TP53BP2: variants seen among roughly 807,000 people sequenced by gnomAD.
TP53BP2 encodes apoptosis-stimulating of p53 protein 2.
TP53BP2 carries 62 observed loss-of-function variants against 126.2 expected under a neutral mutation model. The observed-to-expected ratio is 0.49, with a 90% CI of 0.40 to 0.61. The LOEUF (loss-of-function observed/expected upper bound fraction) is 0.61. Among genes scored for constraint, TP53BP2 ranks in the 20% least tolerant of loss-of-function variants. The pLI is 0.00. For synonymous variants in TP53BP2, 485 were observed against 502.9 expected, an observed-to-expected ratio of 0.96 and a Z score of 0.48; for missense variants, 1,215 against 1,402.8, an observed-to-expected ratio of 0.87 and a Z score of 2.14.
chr1:223,829,752 G>A (rs1464256320), intron 1 of TP53BP2, among the ~76,000 whole-genome samples: 4 of 148,456 alleles, frequency 2.7e-5, no homozygotes, highest in African/African-American at 7.5e-5. Flanking sequence ...AAAAAAAACA[G>A]CTGTTACAGA....
intron 10 of TP53BP2, 118 bp from the exon 11 acceptor site, chr1:223,800,165 AT>A (rs1197330793): frequency 3.8e-6 from 4 of 1,052,624 alleles, no homozygotes; most frequent in African/African-American, 3.2e-5. Context: ...GCACGTTCCT[AT>A]TTTTTAATTA....
intron 3 of TP53BP2, among the ~76,000 whole-genome samples, chr1:223,813,112 C>A (rs1662969895): frequency 6.6e-6 from 1 of 151,978 alleles, no homozygotes; most frequent in Non-Finnish European, 1.5e-5. Context: ...CCCACCCACA[C>A]TCTCTCTCCA....
chr1:223,796,473 G>A lies in TP53BP2; in HGVS notation c.2066C>T (p.Ser689Leu), dbSNP rs1317715541. 2 of 1,614,194 alleles carry A rather than the reference G, an allele frequency of 1.2e-6. No individual in the cohort carries two copies. Among genetic ancestry groups the A allele is most frequent in the Admixed American group, 3.3e-5 (2 of 60,026 alleles). ...SPEPETEPVS[S>L]VQENHENERI... ...TTCGTTTTCATGGTTCTCCTGAACT[G>A]AAGAAACAGGCTCTGTTTCAGGTTC... Residue 689 changes from serine (S) to leucine (L), a missense_variant, in exon 13 of 18, where the codon TCA becomes TTA. Ser to Leu is a moderately radical substitution (Grantham distance 145, BLOSUM62 -2). This residue lies in a region of TP53BP2 where 814 missense variants were observed against 853.0 expected (regional missense o/e 0.95). Transcript: ENST00000343537. This position sits in a 1 kb window ranked among gnomAD's most constrained non-coding sequence, Gnocchi z 4.2.
rs936512777 is a variant in TP53BP2, at chr1:223,796,337, T to C, written c.2202A>G (p.Ala734=). ...AACTACGTTTCTTTAGAGGCCTTGG[T>C]GCGTTAGACAGTTTCTTTCGTAAGG... ...LEALRKKLSN[A]PRPLKKRSSI... Residue 734 remains alanine, a synonymous_variant, in exon 13 of 18, where the codon GCA becomes GCG. Coordinates refer to ENST00000343537, the MANE Select transcript of TP53BP2 (RefSeq NM_001031685.3). The surrounding 1 kb of genome is among the most constrained non-coding windows in gnomAD (Gnocchi z 4.2). 2.5e-6 allele frequency: 4 copies of C among 1,614,094 alleles called. No homozygotes were observed. Among genetic ancestry groups the C allele is most frequent in the African/African-American group, 2.7e-5 (2 of 74,934 alleles).
intron 13 of TP53BP2, among the ~76,000 whole-genome samples, chr1:223,795,124 A>T (rs532046344): frequency 1.1e-4 from 16 of 152,362 alleles, no homozygotes; most frequent in African/African-American, 3.8e-4. Flanking sequence ...CTTAAATTTC[A>T]AACAAAAGCT....
intron 15 of TP53BP2, among the ~76,000 whole-genome samples, chr1:223,791,805 T>C (rs1405193431): frequency 1.3e-5 from 2 of 152,242 alleles, no homozygotes; most frequent in Non-Finnish European, 2.9e-5. Flanking sequence ...CAAAATTTGC[T>C]GTCTATTCTG....
chr1:223,838,739 A>G (rs1002133418), intron 1 of TP53BP2, among the ~76,000 whole-genome samples: 1 of 152,198 alleles, frequency 6.6e-6, no homozygotes, highest in Non-Finnish European at 1.5e-5. Flanking sequence ...ATCAACTTCA[A>G]GCCGTATTTA....
In TP53BP2 at chr1:223,802,735, A is replaced by AGAT. The variant is rs1265062709; in HGVS notation, c.989_991dup (p.Asn330_Leu331insHis). On this transcript the variant is annotated inframe_insertion, in exon 8 of 18. Coordinates refer to ENST00000343537, the MANE Select transcript of TP53BP2 (RefSeq NM_001031685.3). ...ATTACAAAACGGCCCACTTACTGGTAGATTTTCTTTTTGCTGTAGAGCTGC... is the reference window on the plus strand; with the variant it reads ...ATTACAAAACGGCCCACTTACTGGTAGATGATTTTCTTTTTGCTGTAGAGCTGC... 1 of 1,614,042 alleles carries AGAT rather than the reference A, an allele frequency of 6.2e-7. No individual in the cohort carries two copies. The highest frequency in any genetic ancestry group is 8.5e-7 in the Non-Finnish European group (1 of 1,179,978).
intron 3 of TP53BP2, among the ~76,000 whole-genome samples, chr1:223,812,675 T>C (rs1662952113): frequency 6.6e-6 from 1 of 152,192 alleles, no homozygotes; most frequent in Non-Finnish European, 1.5e-5. Flanking sequence ...TTCTCCCGCC[T>C]CAGCCTCCCG....
intron 1 of TP53BP2, among the ~76,000 whole-genome samples, chr1:223,830,734 T>C (rs532121676): frequency 6.6e-6 from 1 of 152,234 alleles, no homozygotes; most frequent in African/African-American, 2.4e-5. Context: ...TAAGTATAAA[T>C]AGAGTGTTAG....
chr1:223,791,728 ATTGT>A (rs1662162215), intron 15 of TP53BP2, among the ~76,000 whole-genome samples: 1 of 152,218 alleles, frequency 6.6e-6, no homozygotes, highest in Non-Finnish European at 1.5e-5. Flanking sequence ...AAAAAAGTCA[ATTGT>A]TTGTATTCTT....
intron 2 of TP53BP2, among the ~76,000 whole-genome samples, chr1:223,819,467 A>G (rs1170992015): frequency 6.6e-6 from 1 of 152,106 alleles, no homozygotes; most frequent in Non-Finnish European, 1.5e-5. Context: ...CGGGTGGATC[A>G]CGAGGTCAGG....
Position 223,803,309 on chromosome 1 carries a change from C to A in TP53BP2, c.793G>T (p.Ala265Ser), listed in dbSNP as rs1662594329. 3 of 1,613,222 alleles carry A rather than the reference C, an allele frequency of 1.9e-6. No individual in the cohort carries two copies. Among genetic ancestry groups the A allele is most frequent in the Non-Finnish European group, 2.5e-6 (3 of 1,179,792 alleles). ...TAGAGGCGATCAAGCTCAGCCACTG[C>A]AGACTGATTGTCATGGTGGCTGTCG... ...RIDSHHDNQS[A>S]VAELDRLYKE... Residue 265 changes from alanine (A) to serine (S), a missense_variant, in exon 7 of 18, where the codon GCA (alanine) becomes TCA (serine). Around this residue, in one of 4 missense-constraint regions of TP53BP2, gnomAD observed 814 missense variants for 853.0 expected, o/e 0.95. Coordinates refer to ENST00000343537, the MANE Select transcript of TP53BP2 (RefSeq NM_001031685.3).
intron 4 of TP53BP2, 86 bp downstream of exon 4, chr1:223,810,345 A>G (rs1256352436): frequency 1.0e-6 from 1 of 1,004,414 alleles, no homozygotes; most frequent in South Asian, 2.2e-5. Context: ...AGCCCATTGA[A>G]TAACAAAGTA....
At position 223,845,655 on chromosome 1, in the gene TP53BP2, G is replaced by A. The variant is rs779353589; in HGVS notation, c.26C>T (p.Pro9Leu). 3.2e-6 allele frequency: 5 copies of A among 1,554,810 alleles called. No homozygotes were observed. The highest frequency in any genetic ancestry group is 4.3e-6 in the Non-Finnish European group (5 of 1,158,454). ...CGCCCTGGCCGCTCGCCCACTTACC[G>A]GCATCATCTTGGACCCGAACCGCAT... MRFGSKMM[P>L]MFLTVYLSNN... The change falls in exon 1 of 18, where the codon CCG becomes CTG. Residue 9 changes from proline (P) to leucine (L), a missense_variant and splice_region_variant. This residue lies in a region of TP53BP2 where 814 missense variants were observed against 853.0 expected (regional missense o/e 0.95). Transcript: ENST00000343537.
intron 2 of TP53BP2, among the ~76,000 whole-genome samples, chr1:223,815,057 A>G (rs1041589379): frequency 6.6e-6 from 1 of 152,242 alleles, no homozygotes; most frequent in Non-Finnish European, 1.5e-5. Flanking sequence ...GGATCTGGAT[A>G]TAAAAACGAG....
chr1:223,817,704 T>TATCC (rs1663136456), intron 2 of TP53BP2, among the ~76,000 whole-genome samples: 1 of 152,114 alleles, frequency 6.6e-6, no homozygotes, highest in Non-Finnish European at 1.5e-5. Context: ...GGCAGGCGGA[T>TATCC]CACTTGAGGT....
rs1442540674 is a variant in TP53BP2, at chr1:223,795,801, A to G, written c.2724+14T>C. 1 of 1,497,868 alleles carries G rather than the reference A, an allele frequency of 6.7e-7. No individual in the cohort carries two copies. Among genetic ancestry groups the G allele is most frequent in the Non-Finnish European group, 8.9e-7 (1 of 1,123,438 alleles). The allele number at this position is 1,497,868 out of a possible 1,614,324, so 92.8% of individuals were successfully genotyped here. A position where few individuals can be genotyped will look rare whatever the true frequency, so the allele number is the denominator to read the frequency against. On this transcript the variant is annotated intron_variant, in intron 13 of 17. Transcript: ENST00000343537. Reference sequence around the variant, plus strand: ...AGGACTCCGGAAAAGGCTATGAGATAGTACATTACTTACAGGAGGCAGAGA... The same window carrying G: ...AGGACTCCGGAAAAGGCTATGAGATGGTACATTACTTACAGGAGGCAGAGA...
chr1:223,787,583 C>T (rs981968452), intron 16 of TP53BP2, among the ~76,000 whole-genome samples: 2 of 151,296 alleles, frequency 1.3e-5, no homozygotes, highest in African/African-American at 2.4e-5. Flanking sequence ...CAACTCCAAA[C>T]GAAATTTAAA....
Sources: allele counts gnomAD v4.1 joint callset (sites outside exome capture counted in the v4.1 genomes callset), GRCh38; gene constraint gnomAD v4.1.1; regional missense constraint gnomAD v4.1.1; non-coding constraint Gnocchi (gnomAD v3.1); transcripts MANE v1.5; gene names NCBI Gene and HGNC (gene_info 2026-07-23, HGNC 2026-07-21).